Variants in CHST11 observed in about 807,000 individuals in gnomAD.
CHST11 encodes the protein C4S-1.
A neutral mutation model predicts 30.4 loss-of-function variants in CHST11; 9 were observed. That is an observed-to-expected ratio of 0.30 (90% CI 0.18 to 0.52). The LOEUF is 0.52. CHST11 is among the 20% of genes least tolerant of loss of function. CHST11 has a pLI of 0.97. For missense variants in CHST11, 348 were observed against 460.6 expected, an observed-to-expected ratio of 0.76 and a Z score of 2.24; for synonymous variants, 152 against 187.8, an observed-to-expected ratio of 0.81 and a Z score of 1.56.
At chr12:104,543,743 C>T (rs1428584412) in intron 1 of CHST11, among the ~76,000 whole-genome samples, 1 of 152,164 alleles carries the variant, frequency 6.6e-6, no homozygotes, top group Non-Finnish European at 1.5e-5. Context: ...TCTTCCCTTA[C>T]CCATCTCCCC....
At chr12:104,675,580 G>GCC (rs2039733791) in intron 2 of CHST11, among the ~76,000 whole-genome samples, 3 of 152,222 alleles carry the variant, frequency 2.0e-5, no homozygotes, top group Non-Finnish European at 4.4e-5. Flanking sequence ...TGAGCCGAGT[G>GCC]CTTACTCAGT....
intron 2 of CHST11, among the ~76,000 whole-genome samples, chr12:104,727,468 G>A (rs952819953): frequency 5.3e-5 from 8 of 152,248 alleles, no homozygotes; most frequent in African/African-American, 1.9e-4. Flanking sequence ...GAAGGCTGAT[G>A]GGAGTGGGCA....
chr12:104,517,520 G>T (rs1266031722), intron 1 of CHST11, among the ~76,000 whole-genome samples: 1 of 152,190 alleles, frequency 6.6e-6, no homozygotes, highest in Admixed American at 6.5e-5. Flanking sequence ...ATTCCCTGGG[G>T]TTGGAGTTAA....
At chr12:104,508,649 G>A (rs2037932419) in intron 1 of CHST11, among the ~76,000 whole-genome samples, 1 of 152,088 alleles carries the variant, frequency 6.6e-6, no homozygotes, top group African/African-American at 2.4e-5. Flanking sequence ...CCATAAGCCT[G>A]GATTATCCAA....
chr12:104,593,090 C>T (rs182863513), intron 1 of CHST11, among the ~76,000 whole-genome samples: 13 of 152,326 alleles, frequency 8.5e-5, no homozygotes, highest in East Asian at 1.9e-4. Flanking sequence ...AGCACATTCA[C>T]GTAATTCTTA....
chr12:104,638,312 ATGTGTGTG>A (rs3039210), intron 2 of CHST11, among the ~76,000 whole-genome samples: 3 of 150,958 alleles, frequency 2.0e-5, no homozygotes, highest in African/African-American at 7.3e-5. Flanking sequence ...GTGTGAACAG[ATGTGTGTG>A]TGTGTGTGTG....
chr12:104,715,617 G>T (rs1490236339), intron 2 of CHST11, among the ~76,000 whole-genome samples: 1 of 152,164 alleles, frequency 6.6e-6, no homozygotes, highest in Non-Finnish European at 1.5e-5. Context: ...CAGCTAGAGA[G>T]GTACAGGTAG....
At chr12:104,558,559 A>G (rs921226582) in intron 1 of CHST11, among the ~76,000 whole-genome samples, 4 of 46,218 alleles carry the variant, frequency 8.7e-5, no homozygotes, top group Non-Finnish European at 7.9e-5. Context: ...CCCCCCCGAG[A>G]CAGGTTCTCA....
intron 1 of CHST11, among the ~76,000 whole-genome samples, chr12:104,587,634 G>GCAAT (rs1339495839): frequency 6.6e-6 from 1 of 152,194 alleles, no homozygotes; most frequent in Admixed American, 6.5e-5. Context: ...CTGGGCTCAA[G>GCAAT]CAATCCACCC....
Position 104,496,194 on chromosome 12 carries a change from C to CTG in CHST11, c.118+38678_118+38679dup, listed in dbSNP as rs151316445. On this transcript the variant is annotated intron_variant, in intron 1 of 2. Coordinates refer to ENST00000303694, the MANE Select transcript of CHST11 (RefSeq NM_018413.6). ...TTTGAGTTTGGTTTCTATTCCAAAT[C>CTG]TGTGTGTGTGTGTGGCAGTGGGGAG... Among the ~76,000 whole-genome samples the CTG allele has an allele frequency of 1.0e-3, 151 of 151,728 alleles. No homozygotes were observed. The East Asian group carries it at 0.024, about 24-fold the overall frequency.
intron 1 of CHST11, among the ~76,000 whole-genome samples, chr12:104,570,912 A>T (rs1365699162): frequency 6.6e-6 from 1 of 152,100 alleles, no homozygotes; most frequent in Non-Finnish European, 1.5e-5. Context: ...GCTGGTCTCG[A>T]ACTCCTGACT....
intron 2 of CHST11, among the ~76,000 whole-genome samples, chr12:104,756,532 G>GGTGT (rs113577198): frequency 0.013 from 1,820 of 143,378 alleles, 41 homozygotes; most frequent in South Asian, 0.043. Flanking sequence ...ATCCATGTGG[G>GGTGT]GTGTGTGTGT....
chr12:104,517,634 A>C (rs1411725025), intron 1 of CHST11, among the ~76,000 whole-genome samples: 1 of 152,116 alleles, frequency 6.6e-6, no homozygotes, highest in African/African-American at 2.4e-5. Flanking sequence ...GCCACACTGA[A>C]GTCCCTAGTT....
intron 1 of CHST11, among the ~76,000 whole-genome samples, chr12:104,557,481 C>T (rs982179828): frequency 4.0e-5 from 6 of 150,606 alleles, no homozygotes; most frequent in Non-Finnish European, 5.9e-5. Flanking sequence ...ATGCACCGGG[C>T]GGGGACAGGA....
intron 1 of CHST11, among the ~76,000 whole-genome samples, chr12:104,541,552 T>G (rs2038287570): frequency 6.6e-6 from 1 of 152,234 alleles, no homozygotes; most frequent in Admixed American, 6.5e-5. Flanking sequence ...TGTGGTGGGC[T>G]AGTGGATATT....
intron 2 of CHST11, among the ~76,000 whole-genome samples, chr12:104,737,096 T>C (rs2040307482): frequency 6.6e-6 from 1 of 152,206 alleles, no homozygotes. Context: ...ATTTTAAAAC[T>C]CCATAACAAC....
At chr12:104,658,522 G>C (rs1458632411) in intron 2 of CHST11, among the ~76,000 whole-genome samples, 1 of 152,238 alleles carries the variant, frequency 6.6e-6, no homozygotes, top group Non-Finnish European at 1.5e-5. Context: ...TAGTACCTCA[G>C]CATGTGCATT....
chr12:104,760,137 A>G lies in CHST11; in HGVS notation c.*2334A>G, dbSNP rs1256871525. On this transcript the variant is annotated 3_prime_UTR_variant, in exon 3 of 3. Coordinates refer to ENST00000303694, the MANE Select transcript of CHST11 (RefSeq NM_018413.6). ...CATTTCCTGAACTTACATGACCAGG[A>G]TACTCTATTTTGCAGATCACCCCAC... The G allele has an allele frequency of 6.6e-6, 1 of 152,130 alleles. No individual in the cohort carries two copies. Among genetic ancestry groups the G allele is most frequent in the Non-Finnish European group, 1.5e-5 (1 of 68,032 alleles). 9.4% of individuals were successfully genotyped at this position (152,130 alleles called of 1,614,324 possible). A position where few individuals can be genotyped will look rare whatever the true frequency, so the allele number is the denominator to read the frequency against.
intron 2 of CHST11, among the ~76,000 whole-genome samples, chr12:104,615,362 C>T (rs1444601274): frequency 6.6e-6 from 1 of 152,106 alleles, no homozygotes; most frequent in African/African-American, 2.4e-5. Context: ...ATGGATATAA[C>T]AGACATCCTG....
Sources: allele counts gnomAD v4.1 joint callset (sites outside exome capture counted in the v4.1 genomes callset), GRCh38; gene constraint gnomAD v4.1.1; transcripts MANE v1.5; gene names NCBI Gene and HGNC (gene_info 2026-07-23, HGNC 2026-07-21).